ADGRL4: variants seen among roughly 807,000 people sequenced by gnomAD.
The protein encoded by ADGRL4 is EGF, latrophilin and seven transmembrane domain containing 1.
In ADGRL4, 90 loss-of-function variants were observed where a neutral mutation model predicts 74.8. The observed-to-expected ratio is 1.20, with a 90% CI of 1.02 to 1.43. The LOEUF is 1.43. Among genes scored for constraint, ADGRL4 ranks in the 40% most tolerant of loss-of-function variants. The probability of loss-of-function intolerance (pLI) is 0.00; values close to 1 mark genes in which losing one functional copy is unlikely to be tolerated. For missense variants in ADGRL4, 881 were observed against 814.3 expected (o/e 1.08, Z -1.00); for synonymous variants, 311 against 279.2 (o/e 1.11, Z -1.14).
chr1:78,984,949 A>G (rs1200626599), intron 2 of ADGRL4, among the ~76,000 whole-genome samples: 2 of 151,742 alleles, frequency 1.3e-5, no homozygotes, highest in Non-Finnish European at 2.9e-5. Flanking sequence ...AGTATGGCAA[A>G]TGGTCAACTA....
intron 10 of ADGRL4, among the ~76,000 whole-genome samples, chr1:78,919,945 A>G (rs1648960755): frequency 6.6e-6 from 1 of 151,938 alleles, no homozygotes; most frequent in South Asian, 2.1e-4. Context: ...TTTGTTGCAA[A>G]GTTTTAACTT....
chr1:78,999,829 T>TATCTATC (rs1332730035), intron 2 of ADGRL4, among the ~76,000 whole-genome samples: 4 of 150,486 alleles, frequency 2.7e-5, no homozygotes, highest in Non-Finnish European at 4.4e-5. Flanking sequence ...TCTATCTATC[T>TATCTATC]ATCTATCTAT....
intron 12 of ADGRL4, among the ~76,000 whole-genome samples, chr1:78,912,391 G>A (rs990900260): frequency 2.0e-5 from 3 of 151,786 alleles, no homozygotes; most frequent in Admixed American, 2.0e-4. Flanking sequence ...GTTTAGACAA[G>A]GGATTCCCAA....
chr1:78,905,714 A>G (rs1338194544), intron 12 of ADGRL4, among the ~76,000 whole-genome samples: 1 of 151,986 alleles, frequency 6.6e-6, no homozygotes, highest in Non-Finnish European at 1.5e-5. Context: ...GGCCTAGAAC[A>G]GTGTTTGGAA....
At chr1:78,891,750 C>A in intron 13 of ADGRL4, 58 bp from the exon 14 acceptor site, 1 of 1,419,578 alleles carries the variant, frequency 7.0e-7, no homozygotes, top group Non-Finnish European at 9.5e-7. Context: ...ACATATCTCC[C>A]AAATTACTCA....
At chr1:78,897,685 T>G in intron 12 of ADGRL4, among the ~76,000 whole-genome samples, 1 of 152,308 alleles carries the variant, frequency 6.6e-6, no homozygotes. Context: ...AATACTTATC[T>G]AAAATTATTT....
intron 2 of ADGRL4, among the ~76,000 whole-genome samples, chr1:78,983,305 A>G (rs1430297129): frequency 6.6e-6 from 1 of 151,874 alleles, no homozygotes; most frequent in Non-Finnish European, 1.5e-5. Context: ...GGTACTTTAC[A>G]AACAGACTTA....
At chr1:78,924,843 G>A (rs1289553006) in intron 8 of ADGRL4, among the ~76,000 whole-genome samples, 1 of 152,112 alleles carries the variant, frequency 6.6e-6, no homozygotes, top group East Asian at 1.9e-4. Context: ...ATGGATAGTT[G>A]AGGGAGTGTG....
chr1:78,958,169 T>C (rs1370113431), intron 2 of ADGRL4, among the ~76,000 whole-genome samples: 1 of 152,082 alleles, frequency 6.6e-6, no homozygotes, highest in Non-Finnish European at 1.5e-5. Context: ...CATCTGATCA[T>C]CCAAGAGCTC....
chr1:78,894,657 T>C (rs1223847611), intron 12 of ADGRL4, among the ~76,000 whole-genome samples: 1 of 151,884 alleles, frequency 6.6e-6, no homozygotes, highest in Admixed American at 6.6e-5. Context: ...TTTATAAATA[T>C]ATGCACATAT....
Position 78,922,838 on chromosome 1 carries a change from G to A in ADGRL4, c.1084-1052C>T, listed in dbSNP as rs538051225. Among the ~76,000 whole-genome samples the A allele has an allele frequency of 5.4e-4, 82 of 152,036 alleles. 1 individual carries two copies. The South Asian group carries it at 0.011, about 20-fold the overall frequency. ...GACAAATATTTATTAAAGAAAACATGTCCTGAGTGACAAATGTATAATATA... is the reference window on the plus strand; with the variant it reads ...GACAAATATTTATTAAAGAAAACATATCCTGAGTGACAAATGTATAATATA... On this transcript the variant is annotated intron_variant, in intron 8 of 14. Coordinates refer to ENST00000370742, the MANE Select transcript of ADGRL4 (RefSeq NM_022159.4).
At chr1:78,989,960 T>G (rs1650573654) in intron 2 of ADGRL4, among the ~76,000 whole-genome samples, 1 of 151,918 alleles carries the variant, frequency 6.6e-6, no homozygotes, top group Non-Finnish European at 1.5e-5. Context: ...TTAGAAAGTC[T>G]GCTTCCTCCA....
At chr1:78,940,117 C>T (rs1204244291) in intron 3 of ADGRL4, among the ~76,000 whole-genome samples, 3 of 152,028 alleles carry the variant, frequency 2.0e-5, no homozygotes, top group Admixed American at 6.6e-5. Flanking sequence ...TCTAATTTAA[C>T]AAAGACCCAA....
In ADGRL4 at chr1:78,898,653, A is replaced by T. The variant is rs540020938; in HGVS notation, c.1750-5464T>A. Reference sequence around the variant, plus strand: ...ACTTCAGAATACAGAAGAGAATAAAAATAGCTGTGAAGAAAAAAAGTCACT... The same window carrying T: ...ACTTCAGAATACAGAAGAGAATAAATATAGCTGTGAAGAAAAAAAGTCACT... On this transcript the variant is annotated intron_variant, in intron 12 of 14. Coordinates refer to ENST00000370742, the MANE Select transcript of ADGRL4 (RefSeq NM_022159.4). Among the ~76,000 whole-genome samples, 256 of 152,274 alleles carry T rather than the reference A, an allele frequency of 1.7e-3. 1 individual carries two copies. The highest frequency in any genetic ancestry group is 5.9e-3 in the African/African-American group (247 of 41,572).
At chr1:78,992,955 T>C (rs551998509) in intron 2 of ADGRL4, among the ~76,000 whole-genome samples, 2 of 152,230 alleles carry the variant, frequency 1.3e-5, no homozygotes, top group Admixed American at 1.3e-4. Flanking sequence ...TAGAAAATTA[T>C]CCTGGATAAT....
intron 11 of ADGRL4, 52 bp downstream of exon 11, chr1:78,917,778 A>G: frequency 6.3e-7 from 1 of 1,586,020 alleles, no homozygotes; most frequent in East Asian, 2.2e-5. Flanking sequence ...AAAGAAATGC[A>G]AAGCACATTC....
intron 12 of ADGRL4, among the ~76,000 whole-genome samples, chr1:78,900,350 A>T (rs749531204): frequency 9.9e-5 from 15 of 152,190 alleles, no homozygotes; most frequent in Non-Finnish European, 1.9e-4. Context: ...CAGATGCGTC[A>T]TGCTATACCC....
chr1:78,965,419 G>C (rs958340935), intron 2 of ADGRL4, among the ~76,000 whole-genome samples: 2 of 152,116 alleles, frequency 1.3e-5, no homozygotes, highest in Admixed American at 1.3e-4. Context: ...AGAACAACAC[G>C]CTAACATTAC....
At chr1:78,985,316 A>T (rs112484728) in intron 2 of ADGRL4, among the ~76,000 whole-genome samples, 7,788 of 151,802 alleles carry the variant, frequency 0.051, 277 homozygotes, top group African/African-American at 0.099. Flanking sequence ...AAATACATAA[A>T]AGCAGGCTTA....
Sources: gnomAD v4.1 joint callset for allele counts (sites outside exome capture counted in the v4.1 genomes callset) on GRCh38, gnomAD v4.1.1 for gene constraint, MANE v1.5 for transcripts, NCBI Gene and HGNC (gene_info 2026-07-23, HGNC 2026-07-21) for gene names.